TBC1D24: variants seen among roughly 807,000 people sequenced by gnomAD.
TBC1D24 encodes TBC1 domain family member 24.
A neutral mutation model predicts 50.7 loss-of-function variants in TBC1D24; 47 were observed. The ratio of observed to expected loss-of-function variants is 0.93; its 90% CI spans 0.73 to 1.18. TBC1D24 has a LOEUF of 1.18. Among genes scored for constraint, TBC1D24 ranks in the 50% most tolerant of loss-of-function variants. The pLI, the probability that TBC1D24 is intolerant of heterozygous loss-of-function variation, is 0.00. For synonymous variants in TBC1D24, 324 were observed against 335.2 expected (o/e 0.97, Z 0.36); for missense variants, 688 against 766.5 (o/e 0.90, Z 1.21).
chr16:2,497,757 G>T, intron 3 of TBC1D24, 30 bp downstream of exon 3: 1 of 1,535,442 alleles, frequency 6.5e-7, no homozygotes, highest in South Asian at 1.2e-5. Context: ...TGCACACCTG[G>T]CCTCTGTCTT....
In TBC1D24 at chr16:2,482,859, C is replaced by G. The variant is rs1415105412; in HGVS notation, c.-116+7689C>G. Among the ~76,000 whole-genome samples, 1 of 152,110 alleles carries G rather than the reference C, an allele frequency of 6.6e-6. No individual in the cohort carries two copies. The highest frequency in any genetic ancestry group is 2.1e-4 in the South Asian group (1 of 4,824). On this transcript the variant is annotated intron_variant, in intron 1 of 7. Coordinates refer to ENST00000646147, the MANE Select transcript of TBC1D24 (RefSeq NM_001199107.2). The surrounding 1 kb of genome is among the most constrained non-coding windows in gnomAD (Gnocchi z 5.2). ...AGGGGATGCCTGGCAGGGAGGCAGGCGGGATGAGGCCCAAGGCAGCTGGGA... is the reference window on the plus strand; with the variant it reads ...AGGGGATGCCTGGCAGGGAGGCAGGGGGGATGAGGCCCAAGGCAGCTGGGA...
At chr16:2,490,310 T>TGCTG (rs1162752054) in intron 1 of TBC1D24, among the ~76,000 whole-genome samples, 3 of 152,202 alleles carry the variant, frequency 2.0e-5, no homozygotes, top group African/African-American at 7.2e-5. Context: ...CTCAGGGAGC[T>TGCTG]GCTGGCAGCT....
chr16:2,496,125 C>A lies in TBC1D24; in HGVS notation c.-24C>A. The A allele has an allele frequency of 6.2e-7, 1 of 1,613,308 alleles. No homozygotes were observed. The highest frequency in any genetic ancestry group is 8.5e-7 in the Non-Finnish European group (1 of 1,179,888). Reference sequence around the variant, plus strand: ...GTCCTCCCCTTCCGGCAGTCCAGGGCCTCCTCCCGAGCACAGCGGCGCTAT... The same window carrying A: ...GTCCTCCCCTTCCGGCAGTCCAGGGACTCCTCCCGAGCACAGCGGCGCTAT... On this transcript the variant is annotated 5_prime_UTR_variant, in exon 2 of 8. Coordinates refer to ENST00000646147, the MANE Select transcript of TBC1D24 (RefSeq NM_001199107.2).
At position 2,501,186 on chromosome 16, in the gene TBC1D24, T is replaced by C; in HGVS notation, c.*228T>C. 1 of 602,142 alleles carries C rather than the reference T, an allele frequency of 1.7e-6. No homozygotes were observed. The highest frequency in any genetic ancestry group is 2.0e-5 in the South Asian group (1 of 50,668). The allele number at this position is 602,142 out of a possible 1,614,324, so 37.3% of individuals were successfully genotyped here. On this transcript the variant is annotated 3_prime_UTR_variant, in exon 8 of 8. Coordinates refer to ENST00000646147, the MANE Select transcript of TBC1D24 (RefSeq NM_001199107.2). ...TCTGGGTCAGAGCTGGAGGGCCTGC[T>C]GTGCCCCCAGCCCCACCCAGAGCTG...
Position 2,499,059 on chromosome 16 carries a change from C to G in TBC1D24, c.1143-298C>G, listed in dbSNP as rs1258087350. Among the ~76,000 whole-genome samples the G allele has an allele frequency of 6.6e-6, 1 of 152,230 alleles. No homozygotes were observed. Among genetic ancestry groups the G allele is most frequent in the Non-Finnish European group, 1.5e-5 (1 of 68,032 alleles). ...GGGCTGCGAGGATGGCCCAAACCTC[C>G]CCACCGCAGGGACCTGTTCCTCTGG... On this transcript the variant is annotated intron_variant, in intron 4 of 7. Transcript: ENST00000646147. The surrounding 1 kb of genome is among the most constrained non-coding windows in gnomAD (Gnocchi z 4.0).
intron 1 of TBC1D24, among the ~76,000 whole-genome samples, chr16:2,476,299 G>C (rs368954107): frequency 1.3e-5 from 2 of 152,222 alleles, no homozygotes; most frequent in African/African-American, 4.8e-5. Context: ...TCCTCCGCCC[G>C]AGGGCCAGGG....
intron 1 of TBC1D24, among the ~76,000 whole-genome samples, chr16:2,488,917 A>C (rs539685417): frequency 1.3e-5 from 2 of 150,416 alleles, no homozygotes; most frequent in South Asian, 4.2e-4. Flanking sequence ...AAAAAAAAAA[A>C]AAATTAGCTG....
Position 2,500,189 on chromosome 16 carries a change from G to A in TBC1D24, c.1303-79G>A. On this transcript the variant is annotated intron_variant, in intron 6 of 7. Transcript: ENST00000646147. This position sits in a 1 kb window ranked among gnomAD's most constrained non-coding sequence, Gnocchi z 8.0. ...TTGGGCTCTGGGTGCAGATTCACGG[G>A]ATGAAACGGGTTGTGGCTCTGGGGC... 7.2e-7 allele frequency: 1 copy of A among 1,381,688 alleles called. No individual in the cohort carries two copies. The highest frequency in any genetic ancestry group is 1.0e-6 in the Non-Finnish European group (1 of 995,380). The allele number at this position is 1,381,688 out of a possible 1,614,324, so 85.6% of individuals were successfully genotyped here. A position where few individuals can be genotyped will look rare whatever the true frequency, so the allele number is the denominator to read the frequency against.
chr16:2,495,054 T>C (rs950598753), intron 1 of TBC1D24, among the ~76,000 whole-genome samples: 1 of 148,064 alleles, frequency 6.8e-6, no homozygotes, highest in Non-Finnish European at 1.5e-5. Context: ...ATAATAATAA[T>C]AATAAACAAA....
chr16:2,501,506 CT>C lies in TBC1D24; in HGVS notation c.*549del, dbSNP rs2065794181. 6.3e-6 allele frequency: 1 copy of C among 159,814 alleles called. No individual in the cohort carries two copies. The highest frequency in any genetic ancestry group is 1.4e-5 in the Non-Finnish European group (1 of 72,156). 9.9% of individuals were successfully genotyped at this position (159,814 alleles called of 1,614,324 possible). A position where few individuals can be genotyped will look rare whatever the true frequency, so the allele number is the denominator to read the frequency against. Reference sequence around the variant, plus strand: ...CCTGCCCCCTGGCGGACCCCACCCCCTGTCCTGGGCGTTTGCCCCAGTTCCC... The same window carrying C: ...CCTGCCCCCTGGCGGACCCCACCCCCGTCCTGGGCGTTTGCCCCAGTTCCC... On this transcript the variant is annotated 3_prime_UTR_variant, in exon 8 of 8. Transcript: ENST00000646147.
Position 2,487,231 on chromosome 16 carries a change from G to A in TBC1D24, c.-115-8803G>A, listed in dbSNP as rs1049787041. ...CAGCAGGCACAGCCCTGCCCGTGGG[G>A]TTCCCCTAGCACTTCCCCAGCTGCC... On this transcript the variant is annotated intron_variant, in intron 1 of 7. Coordinates refer to ENST00000646147, the MANE Select transcript of TBC1D24 (RefSeq NM_001199107.2). The surrounding 1 kb of genome is among the most constrained non-coding windows in gnomAD (Gnocchi z 4.1). Among the ~76,000 whole-genome samples, 3 of 152,184 alleles carry A rather than the reference G, an allele frequency of 2.0e-5. No homozygotes were observed. Among genetic ancestry groups the A allele is most frequent in the Non-Finnish European group, 4.4e-5 (3 of 68,022 alleles).
At chr16:2,488,391 C>T (rs1478766897) in intron 1 of TBC1D24, among the ~76,000 whole-genome samples, 1 of 151,964 alleles carries the variant, frequency 6.6e-6, no homozygotes, top group African/African-American at 2.4e-5. Flanking sequence ...GAACTGTGCC[C>T]TGTGGCCAGA....
In TBC1D24 at chr16:2,482,137, T is replaced by TA. The variant is rs2065614727; in HGVS notation, c.-116+6968dup. On this transcript the variant is annotated intron_variant, in intron 1 of 7. Coordinates refer to ENST00000646147, the MANE Select transcript of TBC1D24 (RefSeq NM_001199107.2). This position sits in a 1 kb window ranked among gnomAD's most constrained non-coding sequence, Gnocchi z 5.2. ...GTGGACTAGTAATGCTCCCTGTTGT[T>TA]ATTTGGCCTTCAAAATTAAATTTGT... 6.6e-6 allele frequency: 1 copy of TA among 152,276 alleles called. No homozygotes were observed. Among genetic ancestry groups the TA allele is most frequent in the Admixed American group, 6.5e-5 (1 of 15,284 alleles). The allele number at this position is 152,276 out of a possible 1,614,324, so 9.4% of individuals were successfully genotyped here. A position where few individuals can be genotyped will look rare whatever the true frequency, so the allele number is the denominator to read the frequency against.
rs1032561829 is a variant in TBC1D24 at position 2,487,841 on chromosome 16, G to A, written c.-115-8193G>A. ...GAGTGCCCTGAAGTCCCAGACCTGCGTGGGTCCTGCCTGTGCTCAGGGACC... is the reference window on the plus strand; with the variant it reads ...GAGTGCCCTGAAGTCCCAGACCTGCATGGGTCCTGCCTGTGCTCAGGGACC... On this transcript the variant is annotated intron_variant, in intron 1 of 7. Coordinates refer to ENST00000646147, the MANE Select transcript of TBC1D24 (RefSeq NM_001199107.2). The surrounding 1 kb of genome is among the most constrained non-coding windows in gnomAD (Gnocchi z 4.1). Among the ~76,000 whole-genome samples, 3 of 152,120 alleles carry A rather than the reference G, an allele frequency of 2.0e-5. 1 individual carries two copies. Among genetic ancestry groups the A allele is most frequent in the South Asian group, 4.2e-4 (2 of 4,816 alleles).
rs1253523894 is a variant in TBC1D24, at chr16:2,499,543, AG to A, written c.1206+124del. ...CCTCCTGGGCCAGATCCAGAGTCAG[AG>A]CGTGGGTATGGCCAGCACATGGGGC... On this transcript the variant is annotated intron_variant, in intron 5 of 7. Coordinates refer to ENST00000646147, the MANE Select transcript of TBC1D24 (RefSeq NM_001199107.2). The surrounding 1 kb of genome is among the most constrained non-coding windows in gnomAD (Gnocchi z 4.0). The A allele has an allele frequency of 2.1e-5, 19 of 907,750 alleles. No individual in the cohort carries two copies. The Admixed American group carries it at 2.4e-4, about 11-fold the overall frequency. The allele number at this position is 907,750 out of a possible 1,614,324, so 56.2% of individuals were successfully genotyped here.
At position 2,503,746 on chromosome 16, in the gene TBC1D24, G is replaced by A. The variant is rs1428890433; in HGVS notation, c.*2788G>A. 1 of 151,954 alleles carries A rather than the reference G, an allele frequency of 6.6e-6. No homozygotes were observed. The highest frequency in any genetic ancestry group is 6.6e-5 in the Admixed American group (1 of 15,264). The allele number at this position is 151,954 out of a possible 1,614,324, so 9.4% of individuals were successfully genotyped here. A position where few individuals can be genotyped will look rare whatever the true frequency, so the allele number is the denominator to read the frequency against. On this transcript the variant is annotated 3_prime_UTR_variant, in exon 8 of 8. Transcript: ENST00000646147. ...AAATTTTTTTTGTATTTTTAGTAGAGGCAGGGTTTCACTGTGTTGGTCAGG... is the reference window on the plus strand; with the variant it reads ...AAATTTTTTTTGTATTTTTAGTAGAAGCAGGGTTTCACTGTGTTGGTCAGG...
At chr16:2,489,883 A>T (rs1293943713) in intron 1 of TBC1D24, among the ~76,000 whole-genome samples, 1 of 152,196 alleles carries the variant, frequency 6.6e-6, no homozygotes, top group African/African-American at 2.4e-5. Context: ...CAGAACAGGG[A>T]CTAGAGCCCA....
At chr16:2,477,939 C>G (rs2065581838) in intron 1 of TBC1D24, 1 of 152,276 alleles carries the variant, frequency 6.6e-6, no homozygotes, top group Non-Finnish European at 1.5e-5. Context: ...GCAGTGGTGG[C>G]CCCAGGGTAG....
At position 2,500,780 on chromosome 16, in the gene TBC1D24, G is replaced by A. The variant is rs4074464; in HGVS notation, c.1526-24G>A. The A allele has an allele frequency of 3.8e-3, 6,022 of 1,593,998 alleles. 183 individuals carry two copies. In the African/African-American group the frequency reaches 0.067, roughly 18 times the overall value. ...TCAGTGCTGATAGGGCAGTCAGGCCGCCACTGACCTGAGCATCCTGCAGGG... is the reference window on the plus strand; with the variant it reads ...TCAGTGCTGATAGGGCAGTCAGGCCACCACTGACCTGAGCATCCTGCAGGG... On this transcript the variant is annotated intron_variant, in intron 7 of 7. Coordinates refer to ENST00000646147, the MANE Select transcript of TBC1D24 (RefSeq NM_001199107.2). This position sits in a 1 kb window ranked among gnomAD's most constrained non-coding sequence, Gnocchi z 8.0.
Sources: allele counts gnomAD v4.1 joint callset (sites outside exome capture counted in the v4.1 genomes callset), GRCh38; gene constraint gnomAD v4.1.1; non-coding constraint Gnocchi (gnomAD v3.1); transcripts MANE v1.5; gene names NCBI Gene and HGNC (gene_info 2026-07-23, HGNC 2026-07-21).